The following BRK1 variants were observed in gnomAD, a reference collection of about 807,000 sequenced individuals.
The protein encoded by BRK1 is protein BRICK1.
In BRK1, 6 loss-of-function variants were observed where a neutral mutation model predicts 9.9. The ratio of observed to expected loss-of-function variants is 0.60; its 90% CI spans 0.33 to 1.19. The LOEUF is 1.19. Ranked by LOEUF, BRK1 falls within the 50% of genes most tolerant of loss-of-function variation. BRK1 has a pLI of 0.04. For synonymous variants in BRK1, 44 were observed against 31.9 expected, an observed-to-expected ratio of 1.38 and a Z score of -1.28; for missense variants, 62 against 97.5, an observed-to-expected ratio of 0.64 and a Z score of 1.53.
intron 1 of BRK1, among the ~76,000 whole-genome samples, chr3:10,119,249 G>T (rs1490593218): frequency 6.6e-6 from 1 of 152,062 alleles, no homozygotes; most frequent in Non-Finnish European, 1.5e-5. Flanking sequence ...TTGAGCTCAG[G>T]AGTTTGAGAC....
intron 1 of BRK1, among the ~76,000 whole-genome samples, chr3:10,116,639 C>CT (rs1259844707): frequency 6.6e-6 from 1 of 152,146 alleles, no homozygotes; most frequent in African/African-American, 2.4e-5. Context: ...ACTGGTTAGA[C>CT]TTTCTTGTGT....
intron 1 of BRK1, among the ~76,000 whole-genome samples, chr3:10,119,128 A>C (rs1388051146): frequency 6.8e-6 from 1 of 146,338 alleles, no homozygotes; most frequent in Admixed American, 6.9e-5. Context: ...TGGGCGAAAG[A>C]GCAAGACTCC....
At chr3:10,115,940 C>A (rs762409539) in intron 1 of BRK1, 121 bp downstream of exon 1, 261 of 755,164 alleles carry the variant, frequency 3.5e-4, no homozygotes, top group Non-Finnish European at 5.1e-4. Context: ...GTTTTCACTT[C>A]CTCCTTCAGG....
At chr3:10,122,505 A>C (rs1695771294) in intron 1 of BRK1, among the ~76,000 whole-genome samples, 1 of 152,006 alleles carries the variant, frequency 6.6e-6, no homozygotes. Context: ...CAGGAGTTTG[A>C]GATCAGCCTG....
chr3:10,116,751 A>AAGAGATTGTCAGAAAGCATCAGCG (rs1695692048), intron 1 of BRK1, among the ~76,000 whole-genome samples: 1 of 152,238 alleles, frequency 6.6e-6, no homozygotes, highest in African/African-American at 2.4e-5. Flanking sequence ...GTGACAGAGC[A>AAGAGATTGTCAGAAAGCATCAGCG]AGAGATTGTC....
intron 1 of BRK1, among the ~76,000 whole-genome samples, chr3:10,124,001 C>T (rs1395525066): frequency 6.6e-6 from 1 of 151,902 alleles, no homozygotes; most frequent in Non-Finnish European, 1.5e-5. Context: ...TCCCAAAGTG[C>T]TGGGATTACA....
chr3:10,122,957 A>G (rs1437583483), intron 1 of BRK1, among the ~76,000 whole-genome samples: 1 of 152,204 alleles, frequency 6.6e-6, no homozygotes, highest in East Asian at 1.9e-4. Context: ...CAGGGAATAG[A>G]TGAAAAGGAA....
Position 10,126,628 on chromosome 3 carries a change from T to A in BRK1, c.*333T>A, listed in dbSNP as rs986936194. 7.6e-6 allele frequency: 2 copies of A among 262,850 alleles called. No individual in the cohort carries two copies. The highest frequency in any genetic ancestry group is 1.5e-5 in the Non-Finnish European group (2 of 136,822). The allele number at this position is 262,850 out of a possible 1,614,324, so 16.3% of individuals were successfully genotyped here. On this transcript the variant is annotated 3_prime_UTR_variant, in exon 3 of 3. Transcript: ENST00000530758. The stretch of plus-strand genomic sequence containing the variant: ...CTCCTCACCTCTATCTTTCTTTCTC[T>A]CTCTCTCAAACTTTCCTTAAAGTTC...
Position 10,126,335 on chromosome 3 carries a change from C to T in BRK1, c.*40C>T. 1 of 1,557,976 alleles carries T rather than the reference C, an allele frequency of 6.4e-7. No homozygotes were observed. The highest frequency in any genetic ancestry group is 8.7e-7 in the Non-Finnish European group (1 of 1,148,748). On this transcript the variant is annotated 3_prime_UTR_variant, in exon 3 of 3. Coordinates refer to ENST00000530758, the MANE Select transcript of BRK1 (RefSeq NM_018462.5). Reference sequence around the variant, plus strand: ...GCTGCTGGGAAGTTGCTTTACACAACACAGGCCACATGGGAAAGGCCCCAG... The same window carrying T: ...GCTGCTGGGAAGTTGCTTTACACAATACAGGCCACATGGGAAAGGCCCCAG...
intron 1 of BRK1, among the ~76,000 whole-genome samples, chr3:10,125,295 G>A (rs1695822162): frequency 6.6e-6 from 1 of 152,126 alleles, no homozygotes; most frequent in South Asian, 2.1e-4. Flanking sequence ...GTAAGAGACA[G>A]GGTTTCATGA....
At position 10,126,314 on chromosome 3, in the gene BRK1, C is replaced by G. The variant is rs866567720; in HGVS notation, c.*19C>G. The stretch of plus-strand genomic sequence containing the variant: ...CACCTAGAACAGTGCCGTGCTGCTG[C>G]TGGGAAGTTGCTTTACACAACACAG... On this transcript the variant is annotated 3_prime_UTR_variant, in exon 3 of 3. Coordinates refer to ENST00000530758, the MANE Select transcript of BRK1 (RefSeq NM_018462.5). 6.4e-7 allele frequency: 1 copy of G among 1,573,416 alleles called. No homozygotes were observed. Among genetic ancestry groups the G allele is most frequent in the Non-Finnish European group, 8.6e-7 (1 of 1,159,144 alleles).
chr3:10,125,848 T>G, intron 2 of BRK1, 140 bp downstream of exon 2: 1 of 610,580 alleles, frequency 1.6e-6, no homozygotes, highest in Non-Finnish European at 2.8e-6. Context: ...CCCAGCACTT[T>G]GGGAGGCCAA....
chr3:10,121,734 A>T (rs534094426), intron 1 of BRK1, among the ~76,000 whole-genome samples: 223 of 136,698 alleles, frequency 1.6e-3, no homozygotes, highest in African/African-American at 6.8e-3. Context: ...ATATTCCTCA[A>T]ACTTTTTTTT....
At position 10,124,722 on chromosome 3, in the gene BRK1, G is replaced by A. The variant is rs67342818; in HGVS notation, c.119-904G>A. On this transcript the variant is annotated intron_variant, in intron 1 of 2. Coordinates refer to ENST00000530758, the MANE Select transcript of BRK1 (RefSeq NM_018462.5). ...GCTCTAGGAGAGGGTCTAGTTCCTCGAATATTGGGTTGTTGGCAGAATTCA... is the reference window on the plus strand; with the variant it reads ...GCTCTAGGAGAGGGTCTAGTTCCTCAAATATTGGGTTGTTGGCAGAATTCA... Among the ~76,000 whole-genome samples, 24,877 of 152,006 alleles carry A rather than the reference G, an allele frequency of 0.16. 2,579 individuals are homozygous for A. The highest frequency in any genetic ancestry group is 0.29 in the African/African-American group (12,071 of 41,424).
chr3:10,126,177 A>G, intron 2 of BRK1, 92 bp from the exon 3 acceptor site: 1 of 829,348 alleles, frequency 1.2e-6, no homozygotes, highest in Non-Finnish European at 1.8e-6. Context: ...CTTTTCTGCT[A>G]TTTCTCACTG....
intron 1 of BRK1, among the ~76,000 whole-genome samples, chr3:10,122,614 G>A (rs1165475363): frequency 2.6e-5 from 4 of 152,078 alleles, no homozygotes; most frequent in Non-Finnish European, 5.9e-5. Context: ...GCAGCTACTC[G>A]GGAGGCTGAG....
At position 10,115,676 on chromosome 3, in the gene BRK1, C is replaced by CT; in HGVS notation, c.-26_-25insT. On this transcript the variant is annotated 5_prime_UTR_variant, in exon 1 of 3. Coordinates refer to ENST00000530758, the MANE Select transcript of BRK1 (RefSeq NM_018462.5). ...GGCCTGTAGGGTCGGGGCGCCTGCG[C>CT]AGTCGCTCTTCCTCAGGCGGCGGCC... 1 of 1,587,242 alleles carries CT rather than the reference C, an allele frequency of 6.3e-7. No individual in the cohort carries two copies. The highest frequency in any genetic ancestry group is 8.7e-7 in the Non-Finnish European group (1 of 1,155,960).
At chr3:10,124,924 C>T (rs1695816218) in intron 1 of BRK1, among the ~76,000 whole-genome samples, 1 of 152,104 alleles carries the variant, frequency 6.6e-6, no homozygotes, top group Non-Finnish European at 1.5e-5. Flanking sequence ...TTTCTTCTTC[C>T]ATTTCATCTC....
intron 1 of BRK1, among the ~76,000 whole-genome samples, chr3:10,118,252 C>CAAAAAAAAAAAAAA: frequency 1.5e-5 from 1 of 67,474 alleles, no homozygotes; most frequent in Non-Finnish European, 3.1e-5. Flanking sequence ...ACTCTGTCTC[C>CAAAAAAAAAAAAAA]AAAAAAAAAA....
Sources: gnomAD v4.1 joint callset for allele counts (sites outside exome capture counted in the v4.1 genomes callset) on GRCh38, gnomAD v4.1.1 for gene constraint, MANE v1.5 for transcripts, NCBI Gene and HGNC (gene_info 2026-07-23, HGNC 2026-07-21) for gene names.